SPON1: variants seen among roughly 807,000 people sequenced by gnomAD.
SPON1 encodes the protein spondin-1.
Under a neutral mutation model 111.7 loss-of-function variants are expected in SPON1, and 52 were observed. The ratio of observed to expected loss-of-function variants is 0.47; its 90% CI spans 0.37 to 0.59. The LOEUF (loss-of-function observed/expected upper bound fraction) is 0.59. SPON1 is among the 20% of genes least tolerant of loss of function. The pLI is 0.00. For synonymous variants in SPON1, 410 were observed against 395.8 expected (o/e 1.04, Z -0.43); for missense variants, 957 against 1,068.5 (o/e 0.90, Z 1.46).
At chr11:14,222,419 C>T (rs1202201775) in intron 6 of SPON1, among the ~76,000 whole-genome samples, 1 of 152,172 alleles carries the variant, frequency 6.6e-6, no homozygotes, top group Admixed American at 6.5e-5. Context: ...TTCCAGTGAC[C>T]AGTGACCTTG....
At chr11:14,088,645 T>A (rs916041677) in intron 5 of SPON1, among the ~76,000 whole-genome samples, 2 of 152,116 alleles carry the variant, frequency 1.3e-5, no homozygotes, top group Admixed American at 6.6e-5. Flanking sequence ...CATTGTGGTG[T>A]TCTCTGTATT....
intron 6 of SPON1, among the ~76,000 whole-genome samples, chr11:14,176,501 G>A (rs1308953706): frequency 6.6e-6 from 1 of 152,026 alleles, no homozygotes; most frequent in African/African-American, 2.4e-5. Context: ...CCACAATGGA[G>A]CTACAGACAC....
In SPON1 at chr11:14,144,634, C is replaced by CAATAATAAT. The variant is rs71041573; in HGVS notation, c.825+9094_825+9102dup. Among the ~76,000 whole-genome samples, 245 of 142,964 alleles carry CAATAATAAT rather than the reference C, an allele frequency of 1.7e-3. 1 individual carries two copies. Among genetic ancestry groups the CAATAATAAT allele is most frequent in the South Asian group, 7.1e-3 (31 of 4,386 alleles). The allele number at this position is 142,964 out of a possible 152,430, so 93.8% of individuals were successfully genotyped here. On this transcript the variant is annotated intron_variant, in intron 6 of 15. Coordinates refer to ENST00000576479, the MANE Select transcript of SPON1 (RefSeq NM_006108.4). Reference sequence around the variant, plus strand: ...GACCGAGTGAGTGAGACTCCATCTCCAATAATAATAATAATAATAATAATA... The same window carrying CAATAATAAT: ...GACCGAGTGAGTGAGACTCCATCTCCAATAATAATAATAATAATAATAATAATAATAATA...
chr11:14,015,406 G>T (rs1554914198), intron 2 of SPON1, among the ~76,000 whole-genome samples: 1 of 152,108 alleles, frequency 6.6e-6, no homozygotes, highest in East Asian at 1.9e-4. Flanking sequence ...CCTTTATAAG[G>T]TCACTAATCC....
At chr11:14,160,547 TTA>T (rs1303169826) in intron 6 of SPON1, among the ~76,000 whole-genome samples, 1 of 23,260 alleles carries the variant, frequency 4.3e-5, no homozygotes, top group Non-Finnish European at 6.4e-5. Context: ...ATATATATAT[TTA>T]TATATATATT....
chr11:13,991,392 A>C (rs1554911192), intron 2 of SPON1, among the ~76,000 whole-genome samples: 4 of 152,146 alleles, frequency 2.6e-5, no homozygotes, highest in Non-Finnish European at 5.9e-5. Flanking sequence ...TGAATGCTTC[A>C]GGAAGTTCTC....
intron 6 of SPON1, among the ~76,000 whole-genome samples, chr11:14,148,295 A>G (rs1319364129): frequency 6.6e-6 from 1 of 152,148 alleles, no homozygotes; most frequent in African/African-American, 2.4e-5. Flanking sequence ...AAAGATGTGT[A>G]CTTACGTCTC....
At chr11:13,979,455 C>T (rs1848127842) in intron 1 of SPON1, among the ~76,000 whole-genome samples, 1 of 152,172 alleles carries the variant, frequency 6.6e-6, no homozygotes, top group Non-Finnish European at 1.5e-5. Flanking sequence ...GATGAGGATT[C>T]AGATGAAAGT....
chr11:14,006,872 A>G (rs367700059), intron 2 of SPON1, among the ~76,000 whole-genome samples: 164 of 152,298 alleles, frequency 1.1e-3, no homozygotes, highest in African/African-American at 3.7e-3. Flanking sequence ...CTGCTGTAAC[A>G]AATTGCCACA....
intron 2 of SPON1, among the ~76,000 whole-genome samples, chr11:14,016,357 A>C (rs781813367): frequency 1.8e-4 from 27 of 152,270 alleles, no homozygotes; most frequent in Non-Finnish European, 2.8e-4. Context: ...AACGTGTGAG[A>C]AAGTTTAACT....
At chr11:14,180,478 G>C (rs1234975699) in intron 6 of SPON1, among the ~76,000 whole-genome samples, 1 of 152,176 alleles carries the variant, frequency 6.6e-6, no homozygotes, top group African/African-American at 2.4e-5. Context: ...CACTTGCAAT[G>C]CCCATTCCCC....
chr11:14,107,321 C>T (rs1849192231), intron 5 of SPON1, among the ~76,000 whole-genome samples: 1 of 152,128 alleles, frequency 6.6e-6, no homozygotes, highest in African/African-American at 2.4e-5. Flanking sequence ...TCCGCCCACA[C>T]ACATTGATAT....
chr11:14,147,040 T>C (rs1293531321), intron 6 of SPON1, among the ~76,000 whole-genome samples: 3 of 134,712 alleles, frequency 2.2e-5, no homozygotes, highest in Non-Finnish European at 4.8e-5. Context: ...TTTTTTTTTT[T>C]TTTTTTTGAG....
chr11:14,017,161 C>A (rs1554914395), intron 2 of SPON1, among the ~76,000 whole-genome samples: 1 of 152,118 alleles, frequency 6.6e-6, no homozygotes. Context: ...ATATTACAAA[C>A]CACTTTTCAA....
At chr11:14,091,356 G>C (rs1317611781) in intron 5 of SPON1, among the ~76,000 whole-genome samples, 14 of 152,236 alleles carry the variant, frequency 9.2e-5, no homozygotes, top group Non-Finnish European at 4.4e-5. Flanking sequence ...TGGTCGATGG[G>C]ACTGGGCGCC....
chr11:14,059,713 T>C (rs1554919628), intron 3 of SPON1, among the ~76,000 whole-genome samples: 1 of 152,058 alleles, frequency 6.6e-6, no homozygotes, highest in East Asian at 1.9e-4. Context: ...GGGAAGAGTG[T>C]GGGAGGGAGG....
intron 6 of SPON1, among the ~76,000 whole-genome samples, chr11:14,232,005 G>T (rs1039106929): frequency 6.6e-6 from 1 of 151,980 alleles, no homozygotes; most frequent in Admixed American, 6.6e-5. Flanking sequence ...CTCTGTGTGT[G>T]TGGCCAAAAC....
intron 5 of SPON1, among the ~76,000 whole-genome samples, chr11:14,099,522 A>C (rs1180975831): frequency 8.5e-5 from 13 of 152,106 alleles, no homozygotes; most frequent in Non-Finnish European, 1.3e-4. Context: ...AGGGAATTTA[A>C]TATGTAGTTC....
At chr11:14,179,935 ATTCTC>A (rs1205601464) in intron 6 of SPON1, among the ~76,000 whole-genome samples, 1 of 152,054 alleles carries the variant, frequency 6.6e-6, no homozygotes, top group East Asian at 1.9e-4. Context: ...TTTCAGATTC[ATTCTC>A]TTCTCTTCGT....
Sources: allele counts gnomAD v4.1 joint callset (sites outside exome capture counted in the v4.1 genomes callset), GRCh38; gene constraint gnomAD v4.1.1; transcripts MANE v1.5; gene names NCBI Gene and HGNC (gene_info 2026-07-23, HGNC 2026-07-21).